KCNK2: variants seen among roughly 807,000 people sequenced by gnomAD.
KCNK2 encodes the protein potassium channel subfamily K member 2.
A neutral mutation model predicts 40.5 loss-of-function variants in KCNK2; 21 were observed. That is an observed-to-expected ratio of 0.52 (90% CI 0.37 to 0.75). The LOEUF (loss-of-function observed/expected upper bound fraction) is 0.75, where lower values mean the gene tolerates loss of function less well. Among genes scored for constraint, KCNK2 ranks in the 30% least tolerant of loss-of-function variants. The pLI is 0.00. For synonymous variants in KCNK2, 191 were observed against 202.2 expected (o/e 0.94, Z 0.47); for missense variants, 399 against 531.6 (o/e 0.75, Z 2.45).
In KCNK2 at chr1:215,006,020, G is replaced by T. The variant is rs1022559574; in HGVS notation, c.34+65G>T. 6.1e-6 allele frequency: 8 copies of T among 1,319,640 alleles called. No individual in the cohort carries two copies. In the African/African-American group the frequency reaches 1.2e-4, roughly 19 times the overall value. 81.7% of individuals were successfully genotyped at this position (1,319,640 alleles called of 1,614,324 possible). A position where few individuals can be genotyped will look rare whatever the true frequency, so the allele number is the denominator to read the frequency against. On this transcript the variant is annotated intron_variant, in intron 1 of 6. Transcript: ENST00000391895. ...CAAATTTTCTAGAGTAGGCTGAGTAGATTTCCAAGCAAGTATTTGATGTAA... is the reference window on the plus strand; with the variant it reads ...CAAATTTTCTAGAGTAGGCTGAGTATATTTCCAAGCAAGTATTTGATGTAA...
chr1:215,214,075 A>G (rs1045197536), intron 6 of KCNK2, among the ~76,000 whole-genome samples: 8 of 152,082 alleles, frequency 5.3e-5, no homozygotes, highest in African/African-American at 1.9e-4. Flanking sequence ...CTATTTATCC[A>G]TGGTTGGCGT....
chr1:215,233,165 C>T (rs1290515231), intron 6 of KCNK2, among the ~76,000 whole-genome samples: 1 of 152,144 alleles, frequency 6.6e-6, no homozygotes, highest in Non-Finnish European at 1.5e-5. Context: ...CAAGCTTCCC[C>T]TAAGTTGCCT....
chr1:215,207,604 C>A, intron 6 of KCNK2, among the ~76,000 whole-genome samples: 1 of 152,116 alleles, frequency 6.6e-6, no homozygotes, highest in East Asian at 1.9e-4. Context: ...AGTAAACAAG[C>A]AAATAAATAA....
intron 2 of KCNK2, among the ~76,000 whole-genome samples, chr1:215,109,328 C>G (rs1039063509): frequency 6.6e-5 from 10 of 151,998 alleles, no homozygotes; most frequent in African/African-American, 1.4e-4. Context: ...TACCCATTAA[C>G]CAACCTCTCT....
chr1:215,015,674 A>G (rs1315296185), intron 1 of KCNK2, among the ~76,000 whole-genome samples: 2 of 152,156 alleles, frequency 1.3e-5, no homozygotes, highest in East Asian at 3.8e-4. Context: ...ACTCCCTCTC[A>G]GTTGACAGCA....
chr1:215,060,240 A>G (rs1371437674), intron 1 of KCNK2, among the ~76,000 whole-genome samples: 1 of 152,136 alleles, frequency 6.6e-6, no homozygotes, highest in Non-Finnish European at 1.5e-5. Flanking sequence ...GAGAAAAATG[A>G]GTCTAGATGT....
chr1:215,223,848 A>G (rs1666280536), intron 6 of KCNK2, among the ~76,000 whole-genome samples: 1 of 152,182 alleles, frequency 6.6e-6, no homozygotes, highest in Admixed American at 6.5e-5. Flanking sequence ...AGGATTTCAA[A>G]GCTCACAGGT....
intron 1 of KCNK2, among the ~76,000 whole-genome samples, chr1:215,052,922 C>T (rs1901619): frequency 0.033 from 5,022 of 152,056 alleles, 252 homozygotes; most frequent in African/African-American, 0.11. Context: ...GTACCAGATT[C>T]CTCTTTTTTT....
intron 1 of KCNK2, among the ~76,000 whole-genome samples, chr1:215,043,235 A>G (rs182252473): frequency 6.6e-6 from 1 of 152,324 alleles, no homozygotes; most frequent in Admixed American, 6.5e-5. Flanking sequence ...GAAAAACAGT[A>G]CGGTAGTTCC....
chr1:215,160,233 A>C (rs1663131637), intron 3 of KCNK2, among the ~76,000 whole-genome samples: 1 of 152,214 alleles, frequency 6.6e-6, no homozygotes, highest in South Asian at 2.1e-4. Context: ...TTTCTTAAGA[A>C]ATAACACAGC....
chr1:215,148,454 AAAAAT>A (rs1662535580), intron 3 of KCNK2, among the ~76,000 whole-genome samples: 1 of 152,124 alleles, frequency 6.6e-6, no homozygotes, highest in African/African-American at 2.4e-5. Context: ...AGAATAAAAT[AAAAAT>A]GAGTACAAGT....
chr1:215,164,102 T>C (rs1387652010), intron 3 of KCNK2, among the ~76,000 whole-genome samples: 1 of 152,212 alleles, frequency 6.6e-6, no homozygotes, highest in Non-Finnish European at 1.5e-5. Context: ...TCAGAACTTA[T>C]TATTGGTCTA....
intron 2 of KCNK2, among the ~76,000 whole-genome samples, chr1:215,117,450 G>C (rs528986035): frequency 1.6e-4 from 25 of 152,180 alleles, no homozygotes; most frequent in Middle Eastern, 3.4e-3. Flanking sequence ...TGATATGCTA[G>C]TAACAATGTT....
chr1:215,120,317 T>C (rs1304893040), intron 2 of KCNK2, among the ~76,000 whole-genome samples: 2 of 152,172 alleles, frequency 1.3e-5, no homozygotes, highest in East Asian at 3.9e-4. Flanking sequence ...ATAATTTTAA[T>C]TAATGGGGGC....
At chr1:215,106,690 G>T (rs1031971393) in intron 2 of KCNK2, among the ~76,000 whole-genome samples, 7 of 151,986 alleles carry the variant, frequency 4.6e-5, no homozygotes, top group Non-Finnish European at 8.8e-5. Flanking sequence ...GTATTTCCTA[G>T]GTTTTCTTCA....
intron 6 of KCNK2, among the ~76,000 whole-genome samples, chr1:215,200,182 T>A (rs146492822): frequency 6.6e-6 from 1 of 152,222 alleles, no homozygotes; most frequent in East Asian, 1.9e-4. Flanking sequence ...ACCCTTTGAC[T>A]GGACAACGCT....
At chr1:215,051,732 C>T (rs1045779172) in intron 1 of KCNK2, among the ~76,000 whole-genome samples, 2 of 151,950 alleles carry the variant, frequency 1.3e-5, no homozygotes, top group East Asian at 1.9e-4. Context: ...AAAGAAGATC[C>T]GTATATGGCT....
At chr1:215,117,816 G>T (rs913141430) in intron 2 of KCNK2, among the ~76,000 whole-genome samples, 1 of 152,024 alleles carries the variant, frequency 6.6e-6, no homozygotes, top group Non-Finnish European at 1.5e-5. Context: ...TTAGTTTCCA[G>T]AATATCATGA....
chr1:215,108,736 C>A (rs746494236), intron 2 of KCNK2, among the ~76,000 whole-genome samples: 49 of 132,176 alleles, frequency 3.7e-4, no homozygotes, highest in African/African-American at 1.4e-3. Flanking sequence ...CTCAAACAGT[C>A]ACTAACAGAG....
Sources: allele counts gnomAD v4.1 joint callset (sites outside exome capture counted in the v4.1 genomes callset), GRCh38; gene constraint gnomAD v4.1.1; transcripts MANE v1.5; gene names NCBI Gene and HGNC (gene_info 2026-07-23, HGNC 2026-07-21).